Variants in PMFBP1 observed in about 807,000 individuals in gnomAD.
PMFBP1 encodes the protein polyamine-modulated factor 1-binding protein 1.
A neutral mutation model predicts 137.8 loss-of-function variants in PMFBP1; 131 were observed. That is an observed-to-expected ratio of 0.95 (90% CI 0.82 to 1.10). The LOEUF (loss-of-function observed/expected upper bound fraction) is 1.10. Among genes scored for constraint, PMFBP1 ranks in the 50% least tolerant of loss-of-function variants. The pLI, the probability that PMFBP1 is intolerant of heterozygous loss-of-function variation, is 0.00. For missense variants in PMFBP1, 1,199 were observed against 1,175.4 expected, an observed-to-expected ratio of 1.02 and a Z score of -0.29; for synonymous variants, 490 against 450.4, an observed-to-expected ratio of 1.09 and a Z score of -1.11.
At chr16:72,190,932 G>A in the PMFBP1 span, among the ~76,000 whole-genome samples, 1 of 152,252 alleles carries the variant, frequency 6.6e-6, no homozygotes, top group African/African-American at 2.4e-5. Context: ...AAGGTTCTTC[G>A]TGTGTTTGTT....
downstream of PMFBP1, among the ~76,000 whole-genome samples, chr16:72,118,553 T>C (rs1432363700): frequency 6.6e-6 from 1 of 152,234 alleles, no homozygotes; most frequent in African/African-American, 2.4e-5. Flanking sequence ...TTCCCTTATA[T>C]TAATATTACC....
chr16:72,232,671 G>T, the PMFBP1 span, among the ~76,000 whole-genome samples: 3 of 152,250 alleles, frequency 2.0e-5, no homozygotes, highest in African/African-American at 7.2e-5. Flanking sequence ...AATGGATATA[G>T]TGCATGAAGA....
the PMFBP1 span, among the ~76,000 whole-genome samples, chr16:72,186,109 T>A: frequency 6.6e-6 from 1 of 152,172 alleles, no homozygotes; most frequent in Non-Finnish European, 1.5e-5. Flanking sequence ...GTCTGCATCA[T>A]GAGATTGATA....
rs760464946 is a variant in PMFBP1, at chr16:72,140,408, T to G, written c.807+4A>C. On this transcript the variant is annotated splice_donor_region_variant and intron_variant, in intron 6 of 20. Coordinates refer to ENST00000237353, the MANE Select transcript of PMFBP1 (RefSeq NM_031293.3). ...AGAGACATGTTCTAGAAGAAGGCAC[T>G]TACCAAAGCGTTACTGCAGGCCAGC... 3.0e-5 allele frequency: 49 copies of G among 1,611,682 alleles called. No homozygotes were observed. The highest frequency in any genetic ancestry group is 3.9e-5 in the Non-Finnish European group (46 of 1,177,880).
intron 12 of PMFBP1, 26 bp from the exon 13 acceptor site, chr16:72,129,259 A>G: frequency 6.3e-7 from 1 of 1,594,144 alleles, no homozygotes; most frequent in Non-Finnish European, 8.5e-7. Flanking sequence ...CTGAGCTGAA[A>G]GACTGTCTTA....
At chr16:72,238,518 T>C in the PMFBP1 span, among the ~76,000 whole-genome samples, 2 of 152,216 alleles carry the variant, frequency 1.3e-5, no homozygotes, top group Admixed American at 1.3e-4. Flanking sequence ...TTCTTGTAAA[T>C]TTGTTTAAGT....
chr16:72,139,574 T>A (rs1485918923), intron 6 of PMFBP1, among the ~76,000 whole-genome samples, 175 bp from the exon 7 acceptor site: 1 of 152,206 alleles, frequency 6.6e-6, no homozygotes. Flanking sequence ...CCATCTTACA[T>A]CAAGATTCTC....
chr16:72,215,566 A>C, the PMFBP1 span, among the ~76,000 whole-genome samples: 8 of 152,300 alleles, frequency 5.3e-5, 1 homozygote, highest in African/African-American at 1.9e-4. Flanking sequence ...AGACATATAA[A>C]GATGAAGAGT....
At chr16:72,164,701 C>G (rs1165636536) in intron 3 of PMFBP1, 63 bp downstream of exon 3, 10 of 1,530,282 alleles carry the variant, frequency 6.5e-6, no homozygotes, top group Non-Finnish European at 7.0e-6. Flanking sequence ...ATTATTCCCG[C>G]CCAAGGGAGC....
the PMFBP1 span, among the ~76,000 whole-genome samples, chr16:72,234,655 G>A: frequency 2.6e-4 from 40 of 152,200 alleles, no homozygotes; most frequent in Non-Finnish European, 5.6e-4. Context: ...CTGCTATCAA[G>A]TGTACTTTTG....
At chr16:72,181,697 A>G (rs1449443431), upstream of PMFBP1, among the ~76,000 whole-genome samples, 2 of 152,240 alleles carry the variant, frequency 1.3e-5, no homozygotes, top group African/African-American at 4.8e-5. Context: ...ATTCATTATA[A>G]AATAAAGCAT....
chr16:72,172,739 T>C (rs182598094), upstream of PMFBP1, among the ~76,000 whole-genome samples: 1 of 152,228 alleles, frequency 6.6e-6, no homozygotes, highest in Non-Finnish European at 1.5e-5. Context: ...GATTACACTA[T>C]ACTGTGGTCT....
intron 1 of PMFBP1, chr16:72,171,567 T>C (rs769415773): frequency 2.4e-5 from 7 of 294,844 alleles, no homozygotes; most frequent in Non-Finnish European, 4.6e-5. Context: ...TTTAGATTTC[T>C]ATGTACTCTA....
At chr16:72,176,643 C>T, upstream of PMFBP1, among the ~76,000 whole-genome samples, 1 of 152,182 alleles carries the variant, frequency 6.6e-6, no homozygotes, top group Admixed American at 6.5e-5. Flanking sequence ...AACATGAGGC[C>T]TTAATGCTAT....
At chr16:72,248,525 C>A in the PMFBP1 span, among the ~76,000 whole-genome samples, 1 of 152,150 alleles carries the variant, frequency 6.6e-6, no homozygotes, top group African/African-American at 2.4e-5. Context: ...TTAGGCTACT[C>A]ATAGGACAAC....
the PMFBP1 span, among the ~76,000 whole-genome samples, chr16:72,193,244 A>C: frequency 5.3e-5 from 8 of 152,112 alleles, no homozygotes; most frequent in African/African-American, 1.9e-4. Flanking sequence ...AATAAAAATT[A>C]CCTGGTGTAG....
intron 3 of PMFBP1, among the ~76,000 whole-genome samples, chr16:72,155,344 T>C (rs2042965552): frequency 6.6e-6 from 1 of 152,238 alleles, no homozygotes; most frequent in East Asian, 1.9e-4. Context: ...TTTAAGTTTC[T>C]GTTTAAATCC....
At chr16:72,122,044 C>T (rs866803999) in intron 19 of PMFBP1, among the ~76,000 whole-genome samples, 2 of 152,168 alleles carry the variant, frequency 1.3e-5, no homozygotes, top group South Asian at 4.1e-4. Flanking sequence ...CCTCTCCCTC[C>T]TCCCACCCTC....
At chr16:72,237,129 G>T in the PMFBP1 span, among the ~76,000 whole-genome samples, 1 of 152,046 alleles carries the variant, frequency 6.6e-6, no homozygotes, top group East Asian at 1.9e-4. Context: ...AAATACTCCC[G>T]CTTAGAAGGA....
Sources: gnomAD v4.1 joint callset for allele counts (sites outside exome capture counted in the v4.1 genomes callset) on GRCh38, gnomAD v4.1.1 for gene constraint, MANE v1.5 for transcripts, NCBI Gene and HGNC (gene_info 2026-07-23, HGNC 2026-07-21) for gene names.